MTERF4: variants seen among roughly 807,000 people sequenced by gnomAD.
MTERF4 encodes the protein mitochondrial transcription termination factor 4, also known as transcription termination factor 4, mitochondrial.
Under a neutral mutation model 22.5 loss-of-function variants are expected in MTERF4, and 17 were observed. The observed-to-expected ratio is 0.75, with a 90% confidence interval of 0.52 to 1.13. MTERF4 has a LOEUF of 1.13. Ranked by LOEUF, MTERF4 falls within the 50% of genes most tolerant of loss-of-function variation. The pLI, the probability that MTERF4 is intolerant of heterozygous loss-of-function variation, is 0.00. For missense variants in MTERF4, 420 were observed against 466.8 expected (o/e 0.90, Z 0.92); for synonymous variants, 165 against 175.3 (o/e 0.94, Z 0.47).
chr2:241,067,302 G>A (rs999496579), downstream of MTERF4, among the ~76,000 whole-genome samples: 4 of 152,340 alleles, frequency 2.6e-5, no homozygotes, highest in African/African-American at 9.6e-5. Context: ...GAGCTCACAA[G>A]TGGCCCCTTC....
At chr2:241,048,293 G>C in the MTERF4 span, 1 of 1,578,628 alleles carries the variant, frequency 6.3e-7, no homozygotes, top group Non-Finnish European at 8.6e-7. Flanking sequence ...GTGGCCGCTG[G>C]TGACTGCCGT....
chr2:241,050,936 C>T, the MTERF4 span, among the ~76,000 whole-genome samples: 2 of 152,248 alleles, frequency 1.3e-5, no homozygotes, highest in African/African-American at 2.4e-5. Flanking sequence ...CACAGCCCTC[C>T]CCCAGCATCC....
the MTERF4 span, chr2:241,052,228 A>G: frequency 2.0e-6 from 3 of 1,493,486 alleles, no homozygotes; most frequent in Non-Finnish European, 2.8e-6. Context: ...AAACAGGCCC[A>G]TGGGCAGGGC....
chr2:241,052,054 G>C, the MTERF4 span: 3 of 1,613,592 alleles, frequency 1.9e-6, no homozygotes, highest in Admixed American at 1.7e-5. Flanking sequence ...AGCCAGACTC[G>C]TGTGCCTCTG....
downstream of MTERF4, among the ~76,000 whole-genome samples, chr2:241,071,150 C>G (rs948875232): frequency 6.6e-6 from 1 of 152,156 alleles, no homozygotes; most frequent in Non-Finnish European, 1.5e-5. Flanking sequence ...CACCCTCACT[C>G]TCAGGGCACA....
At chr2:241,059,943 G>A in the MTERF4 span, among the ~76,000 whole-genome samples, 1 of 152,074 alleles carries the variant, frequency 6.6e-6, no homozygotes, top group Non-Finnish European at 1.5e-5. Flanking sequence ...GGAAGGAAAG[G>A]AAGAAAGAAT....
At chr2:241,056,025 T>G in the MTERF4 span, among the ~76,000 whole-genome samples, 1 of 149,242 alleles carries the variant, frequency 6.7e-6, no homozygotes, top group African/African-American at 2.6e-5. Context: ...ACTGTTCTTA[T>G]ACGCACTATG....
At chr2:241,059,640 A>G in the MTERF4 span, among the ~76,000 whole-genome samples, 4 of 152,382 alleles carry the variant, frequency 2.6e-5, no homozygotes, top group South Asian at 2.1e-4. Context: ...TTTAATGTCA[A>G]TCAATGTACT....
At chr2:241,047,281 G>A in the MTERF4 span, among the ~76,000 whole-genome samples, 2 of 151,862 alleles carry the variant, frequency 1.3e-5, no homozygotes, top group South Asian at 2.1e-4. Flanking sequence ...CTTTTATAAC[G>A]ATAGAGGGGT....
chr2:241,060,474 G>T, the MTERF4 span, among the ~76,000 whole-genome samples: 2 of 152,146 alleles, frequency 1.3e-5, no homozygotes, highest in Non-Finnish European at 2.9e-5. Flanking sequence ...GAGCCACCAT[G>T]CCCGTCCCTA....
At chr2:241,078,160 A>T (rs534461063) in intron 4 of MTERF4, among the ~76,000 whole-genome samples, 1 of 150,954 alleles carries the variant, frequency 6.6e-6, no homozygotes, top group African/African-American at 2.5e-5. Context: ...CGAGGCGGGC[A>T]GATCACCAGG....
chr2:241,082,089 C>T (rs1383298221), intron 4 of MTERF4, among the ~76,000 whole-genome samples: 1 of 152,168 alleles, frequency 6.6e-6, no homozygotes, highest in Non-Finnish European at 1.5e-5. Context: ...CTCTCCACCC[C>T]CACAATACCA....
intron 1 of MTERF4, 148 bp downstream of exon 1, chr2:241,102,105 T>C: frequency 9.6e-7 from 1 of 1,044,550 alleles, no homozygotes; most frequent in Middle Eastern, 2.9e-4. Flanking sequence ...GAGCCACGGG[T>C]CCAGGATGCC....
At position 241,096,207 on chromosome 2, in the gene MTERF4, ACTC is replaced by A; in HGVS notation, c.934_936del (p.Glu312del). On this transcript the variant is annotated inframe_deletion, in exon 4 of 4. Coordinates refer to ENST00000391980, the MANE Select transcript of MTERF4 (RefSeq NM_182501.4). The surrounding 1 kb of genome is among the most constrained non-coding windows in gnomAD (Gnocchi z 5.1). ...GCCAGGAGCTTCTTAAAAACTTGAA[ACTC>A]CTCAACAGAAGTACAGGCTGTCCTG... 6.2e-7 allele frequency: 1 copy of A among 1,613,518 alleles called. No homozygotes were observed. The highest frequency in any genetic ancestry group is 8.5e-7 in the Non-Finnish European group (1 of 1,179,914).
At position 241,073,870 on chromosome 2, in the gene MTERF4, C is replaced by T. The variant is rs748064219; in HGVS notation, n.2292G>A. ...GTCCGGGGCTCTGCCTCGTGAGGAT[C>T]GAGGCCAGCACGTCCCTGCAGGGCA... On this transcript the variant is annotated non_coding_transcript_exon_variant, in exon 5 of 5. Coordinates refer to the MTERF4 transcript ENST00000464344. The surrounding 1 kb of genome is among the most constrained non-coding windows in gnomAD (Gnocchi z 6.6). The T allele has an allele frequency of 2.8e-5, 5 of 178,214 alleles. No homozygotes were observed. The highest frequency in any genetic ancestry group is 5.8e-5 in the Non-Finnish European group (5 of 85,478). The allele number at this position is 178,214 out of a possible 1,614,324, so 11.0% of individuals were successfully genotyped here.
chr2:241,057,404 T>G, the MTERF4 span, among the ~76,000 whole-genome samples: 2 of 144,376 alleles, frequency 1.4e-5, no homozygotes, highest in Non-Finnish European at 3.0e-5. Context: ...TATATATATA[T>G]ATATATATGC....
At chr2:241,085,030 C>T (rs1220640484), downstream of MTERF4, among the ~76,000 whole-genome samples, 1 of 152,034 alleles carries the variant, frequency 6.6e-6, no homozygotes, top group African/African-American at 2.4e-5. Flanking sequence ...AATGTGTCTT[C>T]CTGCCCCTTT....
intron 4 of MTERF4, chr2:241,081,855 TGCTGGGCCACA>T (rs907103700): frequency 1.6e-6 from 2 of 1,277,642 alleles, no homozygotes; most frequent in African/African-American, 3.0e-5. Flanking sequence ...AGCCTAGGAC[TGCTGGGCCACA>T]GCTGGGTTTG....
chr2:241,053,356 G>C, the MTERF4 span: 1 of 1,536,424 alleles, frequency 6.5e-7, no homozygotes, highest in African/African-American at 1.4e-5. Flanking sequence ...GGGTGGGGCA[G>C]GTGGGGCCCA....
Sources: allele counts gnomAD v4.1 joint callset (sites outside exome capture counted in the v4.1 genomes callset), GRCh38; gene constraint gnomAD v4.1.1; non-coding constraint Gnocchi (gnomAD v3.1); transcripts MANE v1.5; gene names NCBI Gene and HGNC (gene_info 2026-07-23, HGNC 2026-07-21).